DMD: variants seen among roughly 807,000 people sequenced by gnomAD.
DMD encodes dystrophin, also known as mutant dystrophin.
DMD carries 63 observed loss-of-function variants against 330.1 expected under a neutral mutation model. The observed-to-expected ratio is 0.19, with a 90% CI of 0.16 to 0.24. The LOEUF is 0.24. Among genes scored for constraint, DMD ranks in the 10% least tolerant of loss-of-function variants. The pLI is 1.00. For missense variants in DMD, 3,344 were observed against 2,684.1 expected (o/e 1.25, Z -5.43); for synonymous variants, 1,223 against 959.8 (o/e 1.27, Z -5.07).
intron 1 of DMD, among the ~76,000 whole-genome samples, chrX:33,306,424 T>C (rs1299301315): frequency 8.9e-6 from 1 of 111,741 alleles, no homozygotes; most frequent in Non-Finnish European, 1.9e-5. Context: ...ATGGTCATAG[T>C]AGAGCTGAAA....
chrX:33,016,768 C>T (rs1357606943), intron 2 of DMD, among the ~76,000 whole-genome samples: 1 of 111,440 alleles, frequency 9.0e-6, no homozygotes, highest in Non-Finnish European at 1.9e-5. Context: ...AATATTTTTT[C>T]CCATAAAATT....
At chrX:32,989,890 G>A (rs774436596) in intron 2 of DMD, among the ~76,000 whole-genome samples, 1 of 111,436 alleles carries the variant, frequency 9.0e-6, no homozygotes, top group East Asian at 2.8e-4. Flanking sequence ...CTTAGCTGTA[G>A]GGCCAGAATC....
Position 32,595,912 on chromosome X carries a change from A to G in DMD, c.1483-36T>C, listed in dbSNP as rs746364595. 1.3e-5 allele frequency: 14 copies of G among 1,088,388 alleles called. No individual in the cohort carries two copies. The Admixed American group carries it at 3.1e-4, about 24-fold the overall frequency. 89.7% of individuals were successfully genotyped at this position (1,088,388 alleles called of 1,213,427 possible). On this transcript the variant is annotated intron_variant, in intron 12 of 78. Transcript: ENST00000357033. ...AAATGTTTTAAAGGAAATTAAAATG[A>G]TATTCTTACATGTGTGTTGAAATGA...
At chrX:32,330,549 A>G (rs1360497158) in intron 41 of DMD, among the ~76,000 whole-genome samples, 2 of 112,047 alleles carry the variant, frequency 1.8e-5, no homozygotes, top group East Asian at 2.8e-4. Context: ...CTGGTGTTCC[A>G]TATTTTCAAA....
At chrX:32,040,182 C>G (rs943786850) in intron 44 of DMD, among the ~76,000 whole-genome samples, 2 of 111,914 alleles carry the variant, frequency 1.8e-5, no homozygotes, top group Non-Finnish European at 3.8e-5. Context: ...TAACAACTGA[C>G]CTAGATAATC....
intron 43 of DMD, 77 bp downstream of exon 43, chrX:32,287,452 G>T: frequency 2.1e-6 from 2 of 974,115 alleles, no homozygotes; most frequent in Non-Finnish European, 2.9e-6. Context: ...TCCATGGAGG[G>T]TACTGAAATA....
intron 1 of DMD, among the ~76,000 whole-genome samples, chrX:33,135,984 A>G (rs1287703850): frequency 1.8e-5 from 2 of 111,438 alleles, no homozygotes; most frequent in East Asian, 2.8e-4. Flanking sequence ...GTTTTTCTGT[A>G]TTCTACTTTT....
intron 44 of DMD, among the ~76,000 whole-genome samples, chrX:32,045,075 A>G (rs1483536708): frequency 1.8e-5 from 2 of 109,549 alleles, no homozygotes; most frequent in Non-Finnish European, 3.8e-5. Flanking sequence ...AGTTTTCATG[A>G]GATCTGGTTT....
chrX:31,482,111 C>CA (rs993020489), intron 57 of DMD, among the ~76,000 whole-genome samples: 1 of 110,822 alleles, frequency 9.0e-6, no homozygotes, highest in African/African-American at 3.3e-5. Context: ...GGCACAGCAA[C>CA]AATATTTACT....
intron 48 of DMD, among the ~76,000 whole-genome samples, chrX:31,864,346 A>G (rs985138558): frequency 1.8e-5 from 2 of 110,719 alleles, no homozygotes; most frequent in African/African-American, 3.3e-5. Context: ...TTCTCATTCA[A>G]GAAACTGTTC....
At chrX:31,752,905 A>G (rs924320766) in intron 51 of DMD, among the ~76,000 whole-genome samples, 1 of 111,826 alleles carries the variant, frequency 8.9e-6, no homozygotes, top group Non-Finnish European at 1.9e-5. Flanking sequence ...CTCTGCAACA[A>G]CTACTACTAA....
chrX:32,866,753 G>GA (rs1569536593), intron 2 of DMD, among the ~76,000 whole-genome samples: 24 of 77,518 alleles, frequency 3.1e-4, no homozygotes, highest in African/African-American at 9.9e-4. Context: ...GGGGGGGGGG[G>GA]GACAGAGTTT....
intron 44 of DMD, among the ~76,000 whole-genome samples, chrX:32,060,052 T>C (rs1489031070): frequency 1.8e-5 from 2 of 111,204 alleles, no homozygotes; most frequent in African/African-American, 3.3e-5. Context: ...TTTGAAGAAG[T>C]TGACCTGTCT....
At chrX:32,630,197 T>C (rs1370040885) in intron 11 of DMD, among the ~76,000 whole-genome samples, 2 of 112,020 alleles carry the variant, frequency 1.8e-5, no homozygotes, top group Non-Finnish European at 3.8e-5. Context: ...AGGATTTTCA[T>C]AGATATACTA....
intron 44 of DMD, among the ~76,000 whole-genome samples, chrX:32,050,738 T>C (rs1280789523): frequency 9.0e-6 from 1 of 111,069 alleles, no homozygotes; most frequent in Non-Finnish European, 1.9e-5. Flanking sequence ...TGCTTCACCA[T>C]GTGGGCTTTT....
intron 60 of DMD, among the ~76,000 whole-genome samples, chrX:31,380,854 T>C (rs1482462727): frequency 9.1e-6 from 1 of 109,425 alleles, no homozygotes; most frequent in African/African-American, 3.3e-5. Context: ...TTACCTGGGC[T>C]GTACTGCCTC....
intron 52 of DMD, among the ~76,000 whole-genome samples, chrX:31,683,236 T>C (rs944483690): frequency 6.2e-5 from 7 of 112,178 alleles, no homozygotes; most frequent in Non-Finnish European, 1.3e-4. Context: ...CATCCATCCA[T>C]GTAGCCAGCT....
intron 29 of DMD, among the ~76,000 whole-genome samples, chrX:32,412,581 A>G (rs72468655): frequency 2.7e-5 from 3 of 111,976 alleles, no homozygotes; most frequent in Admixed American, 1.9e-4. Context: ...GATTGTAACT[A>G]TAAGTATGAT....
chrX:31,836,260 C>T (rs1340570356), intron 49 of DMD, among the ~76,000 whole-genome samples: 2 of 111,944 alleles, frequency 1.8e-5, no homozygotes, highest in East Asian at 2.8e-4. Context: ...GCCTCAATGC[C>T]GATTTTACTC....
Sources: allele counts gnomAD v4.1 joint callset (sites outside exome capture counted in the v4.1 genomes callset), GRCh38; gene constraint gnomAD v4.1.1; transcripts MANE v1.5; gene names NCBI Gene and HGNC (gene_info 2026-07-23, HGNC 2026-07-21).